BRD10: variants seen among roughly 807,000 people sequenced by gnomAD.
The protein encoded by BRD10 is uncharacterized bromodomain-containing protein 10.
At chr9:5,980,889 G>C in the BRD10 span, among the ~76,000 whole-genome samples, 3 of 152,130 alleles carry the variant, frequency 2.0e-5, no homozygotes, top group African/African-American at 7.2e-5. Context: ...AATGAAAACT[G>C]TTTTCCCCAC....
chr9:5,934,375 T>G, the BRD10 span, among the ~76,000 whole-genome samples: 2 of 150,164 alleles, frequency 1.3e-5, no homozygotes, highest in Non-Finnish European at 3.0e-5. Context: ...TTTTTTTTTT[T>G]GGAGACAGGG....
the BRD10 span, among the ~76,000 whole-genome samples, chr9:5,932,062 T>C: frequency 3.9e-5 from 6 of 152,248 alleles, no homozygotes; most frequent in African/African-American, 1.2e-4. Flanking sequence ...CAGAGTTGCA[T>C]GGTATACAAT....
At chr9:5,917,788 G>C in the BRD10 span, among the ~76,000 whole-genome samples, 1 of 152,198 alleles carries the variant, frequency 6.6e-6, no homozygotes, top group Admixed American at 6.5e-5. Flanking sequence ...AGGAGGCAGA[G>C]GTTGCAGTGA....
At chr9:5,889,202 C>T in the BRD10 span, among the ~76,000 whole-genome samples, 1 of 152,190 alleles carries the variant, frequency 6.6e-6, no homozygotes, top group African/African-American at 2.4e-5. Flanking sequence ...CATGACAGCA[C>T]CTAACCACAT....
the BRD10 span, among the ~76,000 whole-genome samples, chr9:5,914,410 GTTTTTTTTT>G: frequency 4.5e-3 from 338 of 75,448 alleles, 1 homozygote; most frequent in East Asian, 0.034. Context: ...AATCCAGATG[GTTTTTTTTT>G]TTTTTTTTTT....
At chr9:5,958,873 C>A in the BRD10 span, among the ~76,000 whole-genome samples, 16 of 152,212 alleles carry the variant, frequency 1.1e-4, 1 homozygote, top group South Asian at 3.1e-3. Context: ...AGAACTAGAG[C>A]CTAAACTTGT....
the BRD10 span, chr9:5,892,481 A>G: frequency 1.9e-6 from 3 of 1,613,606 alleles, no homozygotes; most frequent in East Asian, 4.5e-5. Flanking sequence ...CAAGATGCCA[A>G]GAGAAGATGC....
the BRD10 span, among the ~76,000 whole-genome samples, chr9:5,913,000 C>T: frequency 6.6e-6 from 1 of 152,180 alleles, no homozygotes; most frequent in Admixed American, 6.5e-5. Context: ...CTGTCCAGCC[C>T]TCAGTGGTGG....
the BRD10 span, among the ~76,000 whole-genome samples, chr9:5,989,684 C>T: frequency 6.6e-6 from 1 of 151,854 alleles, no homozygotes; most frequent in Non-Finnish European, 1.5e-5. Flanking sequence ...CATGTGCCAC[C>T]ACGCCTGGCT....
chr9:5,977,591 T>C, the BRD10 span, among the ~76,000 whole-genome samples: 1 of 152,210 alleles, frequency 6.6e-6, no homozygotes, highest in Non-Finnish European at 1.5e-5. Flanking sequence ...CTCACGCCTG[T>C]AATCCCAGCA....
the BRD10 span, among the ~76,000 whole-genome samples, chr9:5,986,426 A>G: frequency 2.0e-5 from 3 of 152,312 alleles, no homozygotes; most frequent in East Asian, 5.8e-4. Flanking sequence ...TAGTGCTGCA[A>G]TGAACATAGG....
At chr9:5,904,504 A>G in the BRD10 span, among the ~76,000 whole-genome samples, 1 of 151,390 alleles carries the variant, frequency 6.6e-6, no homozygotes, top group Non-Finnish European at 1.5e-5. Flanking sequence ...AATCTCACTC[A>G]CTCTGTCGCC....
At chr9:5,930,640 T>C in the BRD10 span, among the ~76,000 whole-genome samples, 1 of 152,030 alleles carries the variant, frequency 6.6e-6, no homozygotes, top group Non-Finnish European at 1.5e-5. Flanking sequence ...TGACTAATTC[T>C]TGTTTCTTAA....
the BRD10 span, among the ~76,000 whole-genome samples, chr9:5,926,467 C>T: frequency 6.6e-6 from 1 of 152,166 alleles, no homozygotes; most frequent in Non-Finnish European, 1.5e-5. Context: ...ACCACCATAC[C>T]TGGCTAATGT....
the BRD10 span, among the ~76,000 whole-genome samples, chr9:5,963,577 A>T: frequency 1.3e-4 from 19 of 151,884 alleles, no homozygotes; most frequent in African/African-American, 4.6e-4. Flanking sequence ...TATGGAACCA[A>T]AAAAGAGCCT....
the BRD10 span, among the ~76,000 whole-genome samples, chr9:5,880,790 C>T: frequency 2.2e-4 from 33 of 151,660 alleles, no homozygotes; most frequent in African/African-American, 6.8e-4. Flanking sequence ...CTGCAACCTC[C>T]GCTTCCCAGG....
the BRD10 span, among the ~76,000 whole-genome samples, chr9:5,963,837 A>G: frequency 3.9e-5 from 6 of 152,106 alleles, no homozygotes; most frequent in East Asian, 1.2e-3. Flanking sequence ...GGTGCTGGGA[A>G]AACTGGCTAG....
chr9:5,991,524 A>G, the BRD10 span, among the ~76,000 whole-genome samples: 3 of 152,112 alleles, frequency 2.0e-5, no homozygotes, highest in Admixed American at 2.0e-4. Flanking sequence ...GGAGTTCCAG[A>G]CCAGCTTGGC....
chr9:5,988,186 A>T, the BRD10 span, among the ~76,000 whole-genome samples: 1 of 152,216 alleles, frequency 6.6e-6, no homozygotes, highest in Non-Finnish European at 1.5e-5. Context: ...TTTAAATTTT[A>T]AAATTACATT....
Sources: gnomAD v4.1 joint callset for allele counts (sites outside exome capture counted in the v4.1 genomes callset) on GRCh38, gnomAD v4.1.1 for gene constraint, MANE v1.5 for transcripts, NCBI Gene and HGNC (gene_info 2026-07-23, HGNC 2026-07-21) for gene names.